MBD2: variants seen among roughly 807,000 people sequenced by gnomAD.
MBD2 encodes methyl-CpG-binding domain protein 2.
MBD2 carries 9 observed loss-of-function variants against 39.3 expected under a neutral mutation model. The observed-to-expected ratio is 0.23, with a 90% confidence interval of 0.14 to 0.40. The LOEUF (loss-of-function observed/expected upper bound fraction) is 0.40, where lower values mean the gene tolerates loss of function less well. MBD2 is among the 10% of genes least tolerant of loss of function. The pLI, the probability that MBD2 is intolerant of heterozygous loss-of-function variation, is 1.00. For missense variants in MBD2, 458 were observed against 532.6 expected (o/e 0.86, Z 1.38); for synonymous variants, 233 against 211.1 (o/e 1.10, Z -0.90).
At chr18:54,166,387 A>G (rs577587218) in intron 3 of MBD2, among the ~76,000 whole-genome samples, 24 of 152,334 alleles carry the variant, frequency 1.6e-4, no homozygotes, top group African/African-American at 5.3e-4. Context: ...TACATAACCT[A>G]TTCACTTGTT....
In MBD2 at chr18:54,224,449, C is replaced by A; in HGVS notation, c.111G>T (p.Gln37His). ...CCGGGGACGGGGCGAGCGCGCTGCC[C>A]TGGCCCCCCTGCTCTATGGCGGAGT... ...GGDSAIEQGG[Q>H]GSALAPSPVS... The change falls in exon 1 of 7, where the codon CAG becomes CAT. Residue 37 changes from glutamine to histidine, a missense_variant. Transcript: ENST00000256429. The A allele has an allele frequency of 8.1e-7, 1 of 1,238,398 alleles. No individual in the cohort carries two copies. The highest frequency in any genetic ancestry group is 1.0e-6 in the Non-Finnish European group (1 of 994,092). 76.7% of individuals were successfully genotyped at this position (1,238,398 alleles called of 1,614,324 possible). A position where few individuals can be genotyped will look rare whatever the true frequency, so the allele number is the denominator to read the frequency against.
intron 1 of MBD2, among the ~76,000 whole-genome samples, chr18:54,221,237 C>T (rs1335823184): frequency 6.6e-6 from 1 of 151,990 alleles, no homozygotes; most frequent in Non-Finnish European, 1.5e-5. Context: ...GCGGGTGGAT[C>T]ACGAGGTCAG....
intron 2 of MBD2, among the ~76,000 whole-genome samples, chr18:54,196,291 T>C (rs765251725): frequency 5.3e-5 from 8 of 152,118 alleles, no homozygotes; most frequent in Non-Finnish European, 1.0e-4. Flanking sequence ...ATGGATGGAG[T>C]ATACTTTGAG....
intron 1 of MBD2, among the ~76,000 whole-genome samples, chr18:54,209,535 T>C (rs1298778401): frequency 6.6e-6 from 1 of 152,194 alleles, no homozygotes; most frequent in Non-Finnish European, 1.5e-5. Context: ...TAGCTACAAG[T>C]ATCTATCATA....
intron 1 of MBD2, among the ~76,000 whole-genome samples, chr18:54,220,282 C>T (rs2086598996): frequency 1.3e-5 from 2 of 151,832 alleles, no homozygotes; most frequent in Admixed American, 1.3e-4. Context: ...GAAAATATAC[C>T]AATGGATCCA....
intron 1 of MBD2, among the ~76,000 whole-genome samples, chr18:54,220,716 G>A (rs1014055948): frequency 6.6e-6 from 1 of 152,198 alleles, no homozygotes; most frequent in African/African-American, 2.4e-5. Flanking sequence ...TAAATATGGG[G>A]ACACTAATAT....
rs10558467 is a variant in MBD2 at position 54,205,957 on chromosome 18, TACAC to T, written c.543-804_543-801del. Among the ~76,000 whole-genome samples, 676 of 145,932 alleles carry T rather than the reference TACAC, an allele frequency of 4.6e-3. 3 individuals are homozygous for T. The highest frequency in any genetic ancestry group is 0.015 in the African/African-American group (584 of 40,126). ...GCAACCCTTGTTTAAAACACACACA[TACAC>T]ACACACACACACACACACACACAAA... On this transcript the variant is annotated intron_variant, in intron 1 of 6. Transcript: ENST00000256429.
At position 54,224,630 on chromosome 18, in the gene MBD2, G is replaced by T. The variant is rs1162868950; in HGVS notation, c.-71C>A. 5.6e-5 allele frequency: 62 copies of T among 1,108,230 alleles called. 1 individual carries two copies. The highest frequency in any genetic ancestry group is 7.1e-5 in the Non-Finnish European group (62 of 876,070). 68.6% of individuals were successfully genotyped at this position (1,108,230 alleles called of 1,614,324 possible). A position where few individuals can be genotyped will look rare whatever the true frequency, so the allele number is the denominator to read the frequency against. ...CCTTGGAATCCCGGAGACCCGCCCC[G>T]CCCGCAGCGCGGCGCGCGGGGGACG... is the stretch of plus-strand genomic sequence containing the variant. On this transcript the variant is annotated 5_prime_UTR_variant, in exon 1 of 7. Transcript: ENST00000256429.
chr18:54,192,848 C>A (rs925420030), intron 2 of MBD2, among the ~76,000 whole-genome samples: 4 of 152,106 alleles, frequency 2.6e-5, no homozygotes, highest in Non-Finnish European at 5.9e-5. Context: ...AAAAGCCTGG[C>A]TAAAATATTT....
At chr18:54,213,107 A>G (rs2086523805) in intron 1 of MBD2, among the ~76,000 whole-genome samples, 1 of 150,812 alleles carries the variant, frequency 6.6e-6, no homozygotes, top group Admixed American at 6.6e-5. Context: ...TTATTTTTAA[A>G]GTATAAGGAA....
intron 1 of MBD2, among the ~76,000 whole-genome samples, chr18:54,219,294 C>T (rs1329970362): frequency 6.6e-6 from 1 of 152,142 alleles, no homozygotes; most frequent in Non-Finnish European, 1.5e-5. Context: ...ATACCTCAAC[C>T]AATTTTATCC....
intron 1 of MBD2, 84 bp downstream of exon 1, chr18:54,223,934 A>C: frequency 1.7e-6 from 2 of 1,192,890 alleles, no homozygotes; most frequent in East Asian, 3.0e-5. Context: ...CCCGGGCCCC[A>C]GCGCTCATCC....
At chr18:54,165,372 C>T (rs1355566570) in intron 4 of MBD2, among the ~76,000 whole-genome samples, 1 of 152,150 alleles carries the variant, frequency 6.6e-6, no homozygotes, top group Non-Finnish European at 1.5e-5. Context: ...AAGTCCTAAA[C>T]CTGTTTAACT....
chr18:54,209,069 C>T (rs1361883387), intron 1 of MBD2, among the ~76,000 whole-genome samples: 8 of 152,050 alleles, frequency 5.3e-5, no homozygotes, highest in Non-Finnish European at 1.0e-4. Context: ...CCAAGGAGGG[C>T]GGATTGCCCG....
intron 2 of MBD2, among the ~76,000 whole-genome samples, chr18:54,200,302 A>G (rs2086396300): frequency 6.6e-6 from 1 of 152,248 alleles, no homozygotes; most frequent in African/African-American, 2.4e-5. Flanking sequence ...AATATGTCAT[A>G]TGTCACATTA....
intron 5 of MBD2, among the ~76,000 whole-genome samples, chr18:54,163,141 G>T (rs994643181): frequency 6.6e-6 from 1 of 151,998 alleles, no homozygotes; most frequent in East Asian, 1.9e-4. Flanking sequence ...GTATAGTGGC[G>T]CTCGCCTGTA....
intron 3 of MBD2, among the ~76,000 whole-genome samples, chr18:54,168,960 G>A (rs1413639656): frequency 2.0e-5 from 3 of 151,986 alleles, no homozygotes; most frequent in Non-Finnish European, 4.4e-5. Context: ...AGGATTCTTT[G>A]CATTTTAAAA....
chr18:54,174,730 T>C (rs1480512037), intron 3 of MBD2, among the ~76,000 whole-genome samples: 2 of 152,272 alleles, frequency 1.3e-5, no homozygotes, highest in African/African-American at 4.8e-5. Context: ...ATATCATTTC[T>C]ATTGGAAGAT....
chr18:54,224,525 G>A lies in MBD2; in HGVS notation c.35C>T (p.Pro12Leu), dbSNP rs754106347. Reference sequence around the variant, plus strand: ...CGCACTCTCCCCCTCCTCCTGCTCCGGGCAGCAGCGGCCTCCCCCCGGGTG... The same window carrying A: ...CGCACTCTCCCCCTCCTCCTGCTCCAGGCAGCAGCGGCCTCCCCCCGGGTG... ...RAHPGGGRCC[P>L]EQEEGESAAG... Residue 12 changes from proline to leucine, a missense_variant, in exon 1 of 7, where the codon CCG becomes CTG. Around this residue, in one of 2 missense-constraint regions of MBD2, gnomAD observed 269 missense variants for 236.0 expected, o/e 1.14. Transcript: ENST00000256429. 6.5e-6 allele frequency: 8 copies of A among 1,228,202 alleles called. No individual in the cohort carries two copies. The highest frequency in any genetic ancestry group is 6.3e-5 in the African/African-American group (4 of 63,758). The allele number at this position is 1,228,202 out of a possible 1,614,324, so 76.1% of individuals were successfully genotyped here. A position where few individuals can be genotyped will look rare whatever the true frequency, so the allele number is the denominator to read the frequency against.
Sources: gnomAD v4.1 joint callset for allele counts (sites outside exome capture counted in the v4.1 genomes callset) on GRCh38, gnomAD v4.1.1 for gene constraint, gnomAD v4.1.1 regional missense constraint, MANE v1.5 for transcripts, NCBI Gene and HGNC (gene_info 2026-07-23, HGNC 2026-07-21) for gene names.